The following COG3 variants were observed in gnomAD, a reference collection of about 807,000 sequenced individuals.
The protein encoded by COG3 is conserved oligomeric Golgi complex subunit 3.
A neutral mutation model predicts 114.1 loss-of-function variants in COG3; 32 were observed. The ratio of observed to expected loss-of-function variants is 0.28; its 90% CI spans 0.21 to 0.38. The LOEUF (loss-of-function observed/expected upper bound fraction) is 0.38. Ranked by LOEUF, COG3 falls within the 10% of genes least tolerant of loss-of-function variation. The probability of loss-of-function intolerance (pLI) is 1.00; values close to 1 mark genes in which losing one functional copy is unlikely to be tolerated. For missense variants in COG3, 813 were observed against 973.2 expected, an observed-to-expected ratio of 0.84 and a Z score of 2.19; for synonymous variants, 352 against 365.7, an observed-to-expected ratio of 0.96 and a Z score of 0.43.
intron 13 of COG3, among the ~76,000 whole-genome samples, chr13:45,501,715 G>T (rs1869558550): frequency 6.6e-6 from 1 of 152,098 alleles, no homozygotes; most frequent in Non-Finnish European, 1.5e-5. Flanking sequence ...TCAGGTGCTG[G>T]CATAGAAATA....
intron 4 of COG3, among the ~76,000 whole-genome samples, chr13:45,480,958 A>G (rs956663499): frequency 1.3e-4 from 20 of 152,274 alleles, no homozygotes; most frequent in Non-Finnish European, 2.6e-4. Flanking sequence ...GAGCTAGAAC[A>G]CTTAAGTTAG....
At chr13:45,516,012 C>T (rs1329402855) in intron 16 of COG3, 131 bp from the exon 17 acceptor site, 1 of 594,578 alleles carries the variant, frequency 1.7e-6, no homozygotes. Flanking sequence ...GAGTTCATTG[C>T]ACAACTAAAG....
At chr13:45,533,824 T>A (rs1357699147) in intron 22 of COG3, among the ~76,000 whole-genome samples, 1 of 152,248 alleles carries the variant, frequency 6.6e-6, no homozygotes, top group African/African-American at 2.4e-5. Flanking sequence ...GTTGTCTCTT[T>A]CATCATGATT....
chr13:45,489,700 A>C (rs1399386416), intron 8 of COG3, among the ~76,000 whole-genome samples: 1 of 152,204 alleles, frequency 6.6e-6, no homozygotes, highest in Admixed American at 6.5e-5. Flanking sequence ...AAATTATAAA[A>C]GACTGAGTAA....
At chr13:45,480,052 C>G in intron 3 of COG3, 73 bp from the exon 4 acceptor site, 2 of 1,320,162 alleles carry the variant, frequency 1.5e-6, no homozygotes, top group Non-Finnish European at 2.1e-6. Flanking sequence ...GAAAAATGAG[C>G]CTTTGTTGTT....
chr13:45,513,217 A>ATATATATATATAATATATACATATAAAT (rs1566265707), intron 16 of COG3, among the ~76,000 whole-genome samples: 10 of 12,684 alleles, frequency 7.9e-4, no homozygotes, highest in African/African-American at 1.0e-3. Context: ...CATATAAATT[A>ATATATATATATAATATATACATATAAAT]TATATATATA....
chr13:45,516,208 A>C lies in COG3; in HGVS notation c.1875A>C (p.Pro625=). 6.2e-7 allele frequency: 1 copy of C among 1,601,870 alleles called. No individual in the cohort carries two copies. Among genetic ancestry groups the C allele is most frequent in the Non-Finnish European group, 8.5e-7 (1 of 1,171,320 alleles). Residue 625 remains proline, a synonymous_variant, in exon 17 of 23, where the codon CCA becomes CCC. Coordinates refer to ENST00000349995, the MANE Select transcript of COG3 (RefSeq NM_031431.4). The part of the protein sequence containing the change: ...HLLILREQIA[P]FHTEFTIKEI... ...TGATACTTCGTGAACAAATTGCTCC[A>C]TTTCACACTGAATTCACCATTAAGG...
At chr13:45,525,801 C>T (rs1156644821) in intron 20 of COG3, among the ~76,000 whole-genome samples, 1 of 72,674 alleles carries the variant, frequency 1.4e-5, no homozygotes, top group Non-Finnish European at 2.7e-5. Flanking sequence ...ATTGTGATAG[C>T]CTTTGAAACT....
At chr13:45,491,877 A>AT (rs1180968686) in intron 10 of COG3, among the ~76,000 whole-genome samples, 3 of 151,324 alleles carry the variant, frequency 2.0e-5, no homozygotes, top group African/African-American at 4.9e-5. Context: ...TTTTTTTACT[A>AT]TAAAAAATGC....
At chr13:45,481,493 A>T (rs1203758045) in intron 5 of COG3, among the ~76,000 whole-genome samples, 189 bp downstream of exon 5, 1 of 152,126 alleles carries the variant, frequency 6.6e-6, no homozygotes, top group East Asian at 1.9e-4. Context: ...ATTTGAGTTA[A>T]GATGTGTTTC....
In COG3 at chr13:45,503,621, G is replaced by A. The variant is rs74070411; in HGVS notation, c.1594+272G>A. On this transcript the variant is annotated intron_variant, in intron 14 of 22. Coordinates refer to ENST00000349995, the MANE Select transcript of COG3 (RefSeq NM_031431.4). The stretch of plus-strand genomic sequence containing the variant: ...GGAAGGTGGGCTCAGTGTGGGGTGT[G>A]GTGTCTGAGAGCTATAATGTGTTTA... Among the ~76,000 whole-genome samples, 701 of 152,226 alleles carry A rather than the reference G, an allele frequency of 4.6e-3. 7 individuals carry two copies. The highest frequency in any genetic ancestry group is 0.016 in the African/African-American group (662 of 41,550).
Position 45,497,479 on chromosome 13 carries a change from G to A in COG3, c.1488+1167G>A, listed in dbSNP as rs193166232. ...TTATTTTAAAGCAAATTCCAAACAT[G>A]ATTTCAATTAGTAAATACTTCAGGC... On this transcript the variant is annotated intron_variant, in intron 13 of 22. Coordinates refer to ENST00000349995, the MANE Select transcript of COG3 (RefSeq NM_031431.4). 4.1e-3 allele frequency among the ~76,000 whole-genome samples: 630 copies of A among 152,136 alleles called. 5 individuals are homozygous for A. Among genetic ancestry groups the A allele is most frequent in the South Asian group, 0.037 (179 of 4,814 alleles).
In COG3 at chr13:45,490,969, A is replaced by G. The variant is rs759403625; in HGVS notation, c.968+11A>G. ...TGAAAAAATACCTGAGTGAGTACCTAGAAGTTAATCTGATTTCCACATGAA... is the reference window on the plus strand; with the variant it reads ...TGAAAAAATACCTGAGTGAGTACCTGGAAGTTAATCTGATTTCCACATGAA... On this transcript the variant is annotated intron_variant, in intron 9 of 22. Transcript: ENST00000349995. 2 of 1,563,174 alleles carry G rather than the reference A, an allele frequency of 1.3e-6. No individual in the cohort carries two copies. The highest frequency in any genetic ancestry group is 1.1e-5 in the South Asian group (1 of 88,762).
chr13:45,500,078 GTGTGTGTGTGTGTGTGTATATATATA>G (rs1566257149), intron 13 of COG3, among the ~76,000 whole-genome samples: 3 of 50,706 alleles, frequency 5.9e-5, no homozygotes, highest in African/African-American at 1.8e-4. Flanking sequence ...GTGTGTGTGT[GTGTGTGTGTGTGTGTGTATATATATA>G]TATATATATA....
chr13:45,525,036 C>A lies in COG3; in HGVS notation c.2215C>A (p.Pro739Thr). 6.2e-7 allele frequency: 1 copy of A among 1,613,506 alleles called. No individual in the cohort carries two copies. The highest frequency in any genetic ancestry group is 2.2e-5 in the East Asian group (1 of 44,878). ...CCCCAAGTATACTCTCTCACAGCAG[C>A]CTTGGGCACAACCAGGTATTCTGAT... is the stretch of plus-strand genomic sequence containing the variant. The part of the protein sequence containing the change: ...GGPKYTLSQQ[P>T]WAQPAKVNDL... The change falls in exon 20 of 23, where the codon CCT (proline) becomes ACT (threonine). Residue 739 changes from proline to threonine, a missense_variant. Pro to Thr is a conservative substitution (Grantham distance 38, BLOSUM62 -1). This residue lies in a region of COG3 where 389 missense variants were observed against 542.6 expected (regional missense o/e 0.72). Transcript: ENST00000349995.
At chr13:45,466,779 T>C (rs192897624) in intron 1 of COG3, among the ~76,000 whole-genome samples, 7 of 152,332 alleles carry the variant, frequency 4.6e-5, no homozygotes, top group Admixed American at 4.6e-4. Context: ...CTTATTCTCA[T>C]TGAGCATGAA....
chr13:45,509,289 C>T (rs530075585), intron 14 of COG3, among the ~76,000 whole-genome samples: 11 of 152,336 alleles, frequency 7.2e-5, no homozygotes, highest in Admixed American at 1.3e-4. Flanking sequence ...CCGCCTGCCT[C>T]GGCATCCCAA....
intron 19 of COG3, 87 bp downstream of exon 19, chr13:45,519,181 CAGA>C: frequency 7.0e-7 from 1 of 1,434,172 alleles, no homozygotes; most frequent in Non-Finnish European, 9.6e-7. Flanking sequence ...TAAACTCTGG[CAGA>C]AGGAGATATT....
At chr13:45,512,632 CTT>C (rs1438172159) in intron 16 of COG3, among the ~76,000 whole-genome samples, 1 of 144,722 alleles carries the variant, frequency 6.9e-6, no homozygotes, top group Admixed American at 6.9e-5. Context: ...TGTGCCTGGC[CTT>C]TTTTTTTTTC....
Sources: allele counts gnomAD v4.1 joint callset (sites outside exome capture counted in the v4.1 genomes callset), GRCh38; gene constraint gnomAD v4.1.1; regional missense constraint gnomAD v4.1.1; transcripts MANE v1.5; gene names NCBI Gene and HGNC (gene_info 2026-07-23, HGNC 2026-07-21).